The following MID1 variants were observed in gnomAD, a reference collection of about 807,000 sequenced individuals.
MID1 encodes midline 1.
MID1 carries 7 observed loss-of-function variants against 40.4 expected under a neutral mutation model. That is an observed-to-expected ratio of 0.17 (90% CI 0.10 to 0.33). The LOEUF (loss-of-function observed/expected upper bound fraction) is 0.33, where lower values mean the gene tolerates loss of function less well. Among genes scored for constraint, MID1 ranks in the 10% least tolerant of loss-of-function variants. The pLI is 1.00. For synonymous variants in MID1, 229 were observed against 221.2 expected (o/e 1.04, Z -0.31); for missense variants, 367 against 558.5 (o/e 0.66, Z 3.46).
At chrX:10,807,338 T>C (rs886914360) in intron 1 of MID1, among the ~76,000 whole-genome samples, 1 of 112,151 alleles carries the variant, frequency 8.9e-6, no homozygotes, top group African/African-American at 3.2e-5. Flanking sequence ...TACAACAAAT[T>C]TAGCAAAATA....
At chrX:10,612,305 T>G (rs1935748763) in intron 1 of MID1, among the ~76,000 whole-genome samples, 1 of 111,878 alleles carries the variant, frequency 8.9e-6, no homozygotes, top group Non-Finnish European at 1.9e-5. Context: ...GGATTTCACT[T>G]TAAACATTGA....
chrX:10,832,590 A>G (rs2044259886), intron 1 of MID1, among the ~76,000 whole-genome samples: 1 of 112,021 alleles, frequency 8.9e-6, no homozygotes, highest in African/African-American at 3.2e-5. Context: ...CAACACAATT[A>G]TCCAAGTTAA....
chrX:10,718,319 AAG>A (rs1355578772), intron 1 of MID1, among the ~76,000 whole-genome samples: 3 of 112,043 alleles, frequency 2.7e-5, no homozygotes, highest in Non-Finnish European at 5.6e-5. Context: ...TAAAGAAGAA[AAG>A]AGAGAAGAAT....
chrX:10,644,672 T>C (rs1360913581), intron 1 of MID1, among the ~76,000 whole-genome samples: 2 of 111,098 alleles, frequency 1.8e-5, no homozygotes, highest in Non-Finnish European at 3.8e-5. Flanking sequence ...GATCAGTTCT[T>C]TAGCACTTTT....
intron 1 of MID1, among the ~76,000 whole-genome samples, chrX:10,728,734 G>A (rs991025729): frequency 5.4e-5 from 6 of 112,014 alleles, no homozygotes; most frequent in Admixed American, 9.5e-5. Flanking sequence ...AACAGAGTTA[G>A]CTTATGATAT....
intron 1 of MID1, among the ~76,000 whole-genome samples, chrX:10,767,356 G>A (rs899914035): frequency 9.1e-6 from 1 of 109,808 alleles, no homozygotes; most frequent in African/African-American, 3.3e-5. Context: ...ATGGAGTCTT[G>A]CTCCACCAGG....
At chrX:10,454,109 AG>A (rs1928511086) in intron 9 of MID1, among the ~76,000 whole-genome samples, 1 of 112,204 alleles carries the variant, frequency 8.9e-6, no homozygotes, top group Non-Finnish European at 1.9e-5. Context: ...TAACTTTGTG[AG>A]GTTAACTAAT....
At chrX:10,778,600 C>A (rs1033834688) in intron 1 of MID1, among the ~76,000 whole-genome samples, 1 of 112,131 alleles carries the variant, frequency 8.9e-6, no homozygotes, top group Non-Finnish European at 1.9e-5. Flanking sequence ...AATGTCATCA[C>A]AAAGGTATTT....
chrX:10,616,347 G>A (rs368847395), intron 1 of MID1, among the ~76,000 whole-genome samples: 60 of 112,554 alleles, frequency 5.3e-4, no homozygotes, highest in African/African-American at 1.7e-3. Flanking sequence ...ACTCTGGTGC[G>A]CTTAGCCATT....
chrX:10,646,796 A>G (rs192925805), intron 1 of MID1, among the ~76,000 whole-genome samples: 141 of 111,869 alleles, frequency 1.3e-3, no homozygotes, highest in South Asian at 0.012. Context: ...AAATAGTAAC[A>G]TATATTGTGA....
At chrX:10,748,527 C>T (rs1250080619) in intron 1 of MID1, among the ~76,000 whole-genome samples, 1 of 111,663 alleles carries the variant, frequency 9.0e-6, no homozygotes, top group African/African-American at 3.3e-5. Context: ...TATGAATTAA[C>T]TGTAATGTTG....
At chrX:10,519,914 T>C (rs1006670320) in intron 3 of MID1, among the ~76,000 whole-genome samples, 1 of 112,230 alleles carries the variant, frequency 8.9e-6, no homozygotes, top group Non-Finnish European at 1.9e-5. Flanking sequence ...GCACAGACTT[T>C]ACAAACACAA....
chrX:10,637,160 A>G (rs1433563161), intron 1 of MID1, among the ~76,000 whole-genome samples: 1 of 110,210 alleles, frequency 9.1e-6, no homozygotes, highest in African/African-American at 3.3e-5. Context: ...TTCTATGAGC[A>G]TATCACATTT....
At position 10,725,783 on chromosome X, in the gene MID1, C is replaced by T. The variant is rs779907883; in HGVS notation, c.-186-105364G>A. 4.5e-5 allele frequency among the ~76,000 whole-genome samples: 5 copies of T among 112,075 alleles called. No individual in the cohort carries two copies. The South Asian group carries it at 1.5e-3, about 33-fold the overall frequency. ...CTGAGGCAGGAGAATCACTTGAATCCGGGAGGCAGAGGTTGCAGTGAGCTG... is the reference window on the plus strand; with the variant it reads ...CTGAGGCAGGAGAATCACTTGAATCTGGGAGGCAGAGGTTGCAGTGAGCTG... On this transcript the variant is annotated intron_variant, in intron 1 of 10. Coordinates refer to the MID1 transcript ENST00000380785.
chrX:10,489,984 C>A (rs894857000), intron 4 of MID1, among the ~76,000 whole-genome samples: 1 of 111,683 alleles, frequency 9.0e-6, no homozygotes, highest in Non-Finnish European at 1.9e-5. Context: ...TGTGAGCCAC[C>A]GCACCCGGTC....
chrX:10,527,054 C>T (rs1316139279), intron 2 of MID1, among the ~76,000 whole-genome samples: 1 of 111,741 alleles, frequency 8.9e-6, no homozygotes, highest in Non-Finnish European at 1.9e-5. Context: ...TCAGCAGTCT[C>T]CATAATCTCT....
chrX:10,461,352 C>CA (rs1217698425), intron 7 of MID1, among the ~76,000 whole-genome samples: 1 of 110,413 alleles, frequency 9.1e-6, no homozygotes, highest in Non-Finnish European at 1.9e-5. Flanking sequence ...ATAAGAGGCA[C>CA]AATCCATCCC....
intron 1 of MID1, among the ~76,000 whole-genome samples, chrX:10,648,157 A>G (rs1936280932): frequency 8.9e-6 from 1 of 111,988 alleles, no homozygotes; most frequent in Non-Finnish European, 1.9e-5. Context: ...TTTAGTATGT[A>G]TTTTCGTAGC....
chrX:10,819,046 C>T (rs1482752677), intron 1 of MID1, among the ~76,000 whole-genome samples: 3 of 111,731 alleles, frequency 2.7e-5, no homozygotes, highest in Non-Finnish European at 5.6e-5. Context: ...CTACACCTTT[C>T]CTTAGCTGGG....
Sources: allele counts gnomAD v4.1 joint callset (sites outside exome capture counted in the v4.1 genomes callset), GRCh38; gene constraint gnomAD v4.1.1; transcripts MANE v1.5; gene names NCBI Gene and HGNC (gene_info 2026-07-23, HGNC 2026-07-21).